The following PPP1R12B variants were observed in gnomAD, a reference collection of about 807,000 sequenced individuals.
The protein encoded by PPP1R12B is myosin phosphatase target subunit 2.
In PPP1R12B, 76 loss-of-function variants were observed where a neutral mutation model predicts 126.1. The observed-to-expected ratio is 0.60, with a 90% CI of 0.50 to 0.73. The LOEUF is 0.73. Among genes scored for constraint, PPP1R12B ranks in the 30% least tolerant of loss-of-function variants. PPP1R12B has a pLI of 0.00. For synonymous variants in PPP1R12B, 356 were observed against 434.7 expected, an observed-to-expected ratio of 0.82 and a Z score of 2.25; for missense variants, 1,052 against 1,205.1, an observed-to-expected ratio of 0.87 and a Z score of 1.88.
chr1:202,521,133 A>T (rs1484963886), intron 18 of PPP1R12B, among the ~76,000 whole-genome samples: 1 of 152,172 alleles, frequency 6.6e-6, no homozygotes, highest in Non-Finnish European at 1.5e-5. Context: ...TAGGACTTGG[A>T]CCCAAAATAC....
intron 13 of PPP1R12B, among the ~76,000 whole-genome samples, chr1:202,460,373 A>G (rs1162077356): frequency 6.6e-6 from 1 of 152,180 alleles, no homozygotes; most frequent in Admixed American, 6.5e-5. Context: ...CTAGGTAGTT[A>G]TACCTACTAA....
Position 202,538,051 on chromosome 1 carries a change from C to T in PPP1R12B, c.2491-20826C>T, listed in dbSNP as rs559776166. ...TCGCCCAGGCTAGAGTGCAATGGCA[C>T]GATCTCAAGGCTTACCGCAACCTCT... On this transcript the variant is annotated intron_variant, in intron 18 of 23. Transcript: ENST00000608999. Among the ~76,000 whole-genome samples, 247 of 152,332 alleles carry T rather than the reference C, an allele frequency of 1.6e-3. 2 individuals are homozygous for T. Among genetic ancestry groups the T allele is most frequent in the Non-Finnish European group, 1.4e-3 (92 of 68,028 alleles).
At chr1:202,350,734 C>T (rs911861549) in intron 1 of PPP1R12B, among the ~76,000 whole-genome samples, 1 of 151,930 alleles carries the variant, frequency 6.6e-6, no homozygotes, top group Non-Finnish European at 1.5e-5. Flanking sequence ...GATTCTCCTG[C>T]CTCAGCCTCC....
chr1:202,427,611 C>T (rs1669703396), intron 5 of PPP1R12B, among the ~76,000 whole-genome samples: 1 of 152,084 alleles, frequency 6.6e-6, no homozygotes, highest in Non-Finnish European at 1.5e-5. Context: ...CTTAGAAGCT[C>T]TGGAACTCCT....
intron 13 of PPP1R12B, among the ~76,000 whole-genome samples, chr1:202,476,054 A>G (rs1203357964): frequency 1.3e-5 from 2 of 151,904 alleles, no homozygotes; most frequent in Admixed American, 6.6e-5. Flanking sequence ...AAATGCAAAA[A>G]CTAGCTGAGT....
chr1:202,360,528 G>A (rs968287450), intron 1 of PPP1R12B, among the ~76,000 whole-genome samples: 7 of 152,006 alleles, frequency 4.6e-5, no homozygotes, highest in East Asian at 3.9e-4. Context: ...GCCAAACATG[G>A]TGAAACCCTG....
intron 13 of PPP1R12B, among the ~76,000 whole-genome samples, chr1:202,477,907 T>C (rs1278399333): frequency 6.6e-6 from 1 of 152,254 alleles, no homozygotes; most frequent in Non-Finnish European, 1.5e-5. Context: ...AAGAGGACTT[T>C]GGCATCTGAA....
At chr1:202,454,783 A>G (rs1223288882) in intron 13 of PPP1R12B, among the ~76,000 whole-genome samples, 1 of 152,046 alleles carries the variant, frequency 6.6e-6, no homozygotes, top group East Asian at 1.9e-4. Context: ...AAATAAAATT[A>G]ACTGGGTGGT....
intron 18 of PPP1R12B, chr1:202,540,147 C>T: frequency 6.2e-7 from 1 of 1,608,040 alleles, no homozygotes; most frequent in South Asian, 1.1e-5. Context: ...ACCATGTCCT[C>T]TTTATATACC....
At chr1:202,410,445 G>A (rs1425887535) in intron 1 of PPP1R12B, among the ~76,000 whole-genome samples, 2 of 152,224 alleles carry the variant, frequency 1.3e-5, no homozygotes, top group African/African-American at 4.8e-5. Flanking sequence ...GCCAAGGCAG[G>A]TAGTATTAGT....
chr1:202,355,318 A>G (rs1028614794), intron 1 of PPP1R12B, among the ~76,000 whole-genome samples: 5 of 152,216 alleles, frequency 3.3e-5, no homozygotes, highest in African/African-American at 1.2e-4. Context: ...ATGTGGTATA[A>G]TTTCTGCCCT....
At chr1:202,556,682 AT>A (rs1686981612) in intron 18 of PPP1R12B, among the ~76,000 whole-genome samples, 1 of 152,098 alleles carries the variant, frequency 6.6e-6, no homozygotes, top group Non-Finnish European at 1.5e-5. Flanking sequence ...TTTTCCCTAC[AT>A]TGCTTCAGGC....
intron 13 of PPP1R12B, among the ~76,000 whole-genome samples, chr1:202,458,473 A>G (rs192694200): frequency 4.1e-5 from 6 of 144,880 alleles, no homozygotes; most frequent in African/African-American, 1.5e-4. Flanking sequence ...TTGTCAAGCT[A>G]GAGAGGTAGG....
chr1:202,435,036 CCTT>C (rs979003972), intron 9 of PPP1R12B, among the ~76,000 whole-genome samples: 2 of 152,112 alleles, frequency 1.3e-5, no homozygotes, highest in African/African-American at 4.8e-5. Flanking sequence ...AATATAACCA[CCTT>C]CTCGCCATGT....
chr1:202,516,912 GT>G (rs1488098060), intron 18 of PPP1R12B, among the ~76,000 whole-genome samples: 7 of 140,486 alleles, frequency 5.0e-5, no homozygotes, highest in African/African-American at 2.2e-4. Flanking sequence ...TATTGGATTA[GT>G]TAGTGAGGTG....
intron 13 of PPP1R12B, among the ~76,000 whole-genome samples, chr1:202,452,253 G>A (rs1309609087): frequency 1.2e-4 from 18 of 152,224 alleles, no homozygotes; most frequent in Admixed American, 5.9e-4. Context: ...ACTCCAGCCT[G>A]GGCACCATTG....
chr1:202,424,487 C>G (rs1669243398), intron 3 of PPP1R12B, among the ~76,000 whole-genome samples: 1 of 152,032 alleles, frequency 6.6e-6, no homozygotes, highest in African/African-American at 2.4e-5. Context: ...CTATGCCCAG[C>G]TCATTTTTGT....
intron 13 of PPP1R12B, among the ~76,000 whole-genome samples, chr1:202,450,121 AC>A (rs757977316): frequency 1.3e-5 from 2 of 152,240 alleles, no homozygotes; most frequent in African/African-American, 2.4e-5. Flanking sequence ...TGGATAGTCT[AC>A]GTTGACTTCT....
At chr1:202,358,915 G>C (rs889960948) in intron 1 of PPP1R12B, among the ~76,000 whole-genome samples, 1 of 152,094 alleles carries the variant, frequency 6.6e-6, no homozygotes, top group South Asian at 2.1e-4. Flanking sequence ...AAATATTCAT[G>C]ATATATCTGG....
Sources: allele counts gnomAD v4.1 joint callset (sites outside exome capture counted in the v4.1 genomes callset), GRCh38; gene constraint gnomAD v4.1.1; transcripts MANE v1.5; gene names NCBI Gene and HGNC (gene_info 2026-07-23, HGNC 2026-07-21).